TTC17: variants seen among roughly 807,000 people sequenced by gnomAD.
TTC17 encodes the protein tetratricopeptide repeat protein 17.
A neutral mutation model predicts 143.8 loss-of-function variants in TTC17; 58 were observed. The ratio of observed to expected loss-of-function variants is 0.40; its 90% CI spans 0.33 to 0.50. The LOEUF (loss-of-function observed/expected upper bound fraction) is 0.50. Among genes scored for constraint, TTC17 ranks in the 20% least tolerant of loss-of-function variants. The probability of loss-of-function intolerance (pLI) is 0.49; values close to 1 mark genes in which losing one functional copy is unlikely to be tolerated. For missense variants in TTC17, 1,273 were observed against 1,392.5 expected (o/e 0.91, Z 1.37); for synonymous variants, 501 against 497.8 (o/e 1.01, Z -0.09).
intron 21 of TTC17, among the ~76,000 whole-genome samples, chr11:43,458,014 C>T (rs933561262): frequency 6.6e-6 from 1 of 152,118 alleles, no homozygotes; most frequent in Non-Finnish European, 1.5e-5. Flanking sequence ...AAATTAAAAG[C>T]TTAAGAGCCA....
intron 16 of TTC17, among the ~76,000 whole-genome samples, chr11:43,424,599 A>G (rs983363807): frequency 1.3e-5 from 2 of 151,868 alleles, no homozygotes; most frequent in African/African-American, 2.4e-5. Context: ...GCGAAACCCC[A>G]TCTTTACTAA....
At chr11:43,409,604 G>A (rs938281378) in intron 15 of TTC17, among the ~76,000 whole-genome samples, 1 of 152,148 alleles carries the variant, frequency 6.6e-6, no homozygotes, top group Non-Finnish European at 1.5e-5. Context: ...CCCTTTGATA[G>A]ATGAGGAAAC....
intron 21 of TTC17, among the ~76,000 whole-genome samples, chr11:43,486,143 A>G (rs1325729602): frequency 7.3e-6 from 1 of 137,908 alleles, no homozygotes; most frequent in Non-Finnish European, 1.6e-5. Flanking sequence ...AAGTCTGCAT[A>G]CAATACGCCA....
chr11:43,424,398 A>G (rs551929394), intron 16 of TTC17, among the ~76,000 whole-genome samples: 1 of 152,140 alleles, frequency 6.6e-6, no homozygotes, highest in Non-Finnish European at 1.5e-5. Flanking sequence ...CCGGCCAAGA[A>G]TCATTCTTTA....
intron 16 of TTC17, among the ~76,000 whole-genome samples, chr11:43,419,157 A>G (rs1286759543): frequency 6.6e-6 from 1 of 152,232 alleles, no homozygotes; most frequent in Non-Finnish European, 1.5e-5. Context: ...ACTTAAAAAA[A>G]TTGGCCCAGA....
chr11:43,462,400 A>G (rs1031928493), intron 21 of TTC17, among the ~76,000 whole-genome samples: 4 of 152,236 alleles, frequency 2.6e-5, no homozygotes, highest in African/African-American at 4.8e-5. Flanking sequence ...AGAAGGAGAC[A>G]GAGACTTAAT....
intron 2 of TTC17, among the ~76,000 whole-genome samples, chr11:43,381,569 C>A (rs1342367784): frequency 6.6e-6 from 1 of 152,072 alleles, no homozygotes; most frequent in African/African-American, 2.4e-5. Flanking sequence ...CATATCAAAA[C>A]CAGAAAGACT....
chr11:43,468,086 G>A (rs987085973), intron 21 of TTC17: 1 of 152,102 alleles, frequency 6.6e-6, no homozygotes, highest in African/African-American at 2.4e-5. Context: ...AAAAGACAGA[G>A]AATAGAATCT....
chr11:43,443,293 C>A, intron 16 of TTC17, 32 bp from the exon 17 acceptor site: 2 of 1,609,150 alleles, frequency 1.2e-6, no homozygotes, highest in African/African-American at 1.3e-5. Flanking sequence ...TACTGTGTAC[C>A]TTTTACTAAC....
At chr11:43,422,180 TGAAAG>T (rs1320449940) in intron 16 of TTC17, among the ~76,000 whole-genome samples, 1 of 152,000 alleles carries the variant, frequency 6.6e-6, no homozygotes, top group Non-Finnish European at 1.5e-5. Flanking sequence ...ATATGGGAAA[TGAAAG>T]AAAGAGAGGT....
intron 16 of TTC17, among the ~76,000 whole-genome samples, chr11:43,422,385 TATA>T (rs1187563393): frequency 6.6e-6 from 1 of 152,174 alleles, no homozygotes; most frequent in Non-Finnish European, 1.5e-5. Flanking sequence ...ACATGAGTGT[TATA>T]ATGATGGGGA....
intron 21 of TTC17, among the ~76,000 whole-genome samples, chr11:43,458,624 G>A (rs17509794): frequency 0.15 from 22,780 of 151,902 alleles, 2,381 homozygotes; most frequent in Non-Finnish European, 0.22. Flanking sequence ...AAATTCCTCC[G>A]ACATGCAAAA....
rs1189117456 is a variant in TTC17 at position 43,385,993 on chromosome 11, A to G, written c.250-3659A>G. Among the ~76,000 whole-genome samples, 6 of 152,088 alleles carry G rather than the reference A, an allele frequency of 3.9e-5. No homozygotes were observed. In the South Asian group the frequency reaches 8.3e-4, roughly 21 times the overall value. ...GATAAAGATTTTTTAAACTAAAGACATAATTATTAATACTACAAAAACTAG... is the reference window on the plus strand; with the variant it reads ...GATAAAGATTTTTTAAACTAAAGACGTAATTATTAATACTACAAAAACTAG... On this transcript the variant is annotated intron_variant, in intron 2 of 23. Coordinates refer to ENST00000039989, the MANE Select transcript of TTC17 (RefSeq NM_018259.6).
chr11:43,378,391 C>T (rs780826122), intron 1 of TTC17, among the ~76,000 whole-genome samples: 1 of 152,218 alleles, frequency 6.6e-6, no homozygotes, highest in Admixed American at 6.5e-5. Context: ...CTCTTATACT[C>T]TGGTCACTGG....
At chr11:43,468,757 A>G (rs1303200057) in intron 21 of TTC17, among the ~76,000 whole-genome samples, 1 of 152,182 alleles carries the variant, frequency 6.6e-6, no homozygotes, top group African/African-American at 2.4e-5. Context: ...CAACATAGCA[A>G]GACCCCATCT....
At chr11:43,464,344 A>G (rs1947930226) in intron 21 of TTC17, among the ~76,000 whole-genome samples, 1 of 152,186 alleles carries the variant, frequency 6.6e-6, no homozygotes, top group Non-Finnish European at 1.5e-5. Context: ...TAAGTGGATC[A>G]GAGATTAAAA....
chr11:43,405,681 A>G, intron 12 of TTC17, 52 bp downstream of exon 12: 1 of 1,609,802 alleles, frequency 6.2e-7, no homozygotes, highest in Non-Finnish European at 8.5e-7. Context: ...ATTGTCATCT[A>G]GCGGTTCTTT....
chr11:43,464,261 TAGAGTG>T (rs1211386748), intron 21 of TTC17, among the ~76,000 whole-genome samples: 1 of 148,608 alleles, frequency 6.7e-6, no homozygotes, highest in Admixed American at 6.7e-5. Context: ...GCTTGGGCGA[TAGAGTG>T]AGACTCCATC....
intron 1 of TTC17, among the ~76,000 whole-genome samples, chr11:43,375,145 G>A (rs1856715446): frequency 6.6e-6 from 1 of 152,132 alleles, no homozygotes; most frequent in South Asian, 2.1e-4. Context: ...CCCATTCTCA[G>A]GCCCCATGTA....
Sources: gnomAD v4.1 joint callset for allele counts (sites outside exome capture counted in the v4.1 genomes callset) on GRCh38, gnomAD v4.1.1 for gene constraint, MANE v1.5 for transcripts, NCBI Gene and HGNC (gene_info 2026-07-23, HGNC 2026-07-21) for gene names.